The following EVA1A variants were observed in gnomAD, a reference collection of about 807,000 sequenced individuals.
The protein encoded by EVA1A is protein eva-1 homolog A.
Under a neutral mutation model 9.8 loss-of-function variants are expected in EVA1A, and 7 were observed. The ratio of observed to expected loss-of-function variants is 0.71; its 90% CI spans 0.41 to 1.34. The LOEUF is 1.34. Ranked by LOEUF, EVA1A falls within the 40% of genes most tolerant of loss-of-function variation. The probability of loss-of-function intolerance (pLI) is 0.01; values close to 1 mark genes in which losing one functional copy is unlikely to be tolerated. For synonymous variants in EVA1A, 90 were observed against 85.6 expected (o/e 1.05, Z -0.28); for missense variants, 206 against 205.9 (o/e 1.00, Z 0.00).
At chr2:75,517,787 A>G in intron 3 of EVA1A, 1 of 718,538 alleles carries the variant, frequency 1.4e-6, no homozygotes, top group Non-Finnish European at 2.6e-6. Context: ...AGCCAACAGT[A>G]GCCCTGGGCC....
chr2:75,542,201 G>A (rs74718606), intron 1 of EVA1A: 1,856 of 154,522 alleles, frequency 0.012, 35 homozygotes, highest in African/African-American at 0.042. Context: ...CCCCAGCCAC[G>A]TGGAACTGTA....
intron 1 of EVA1A, among the ~76,000 whole-genome samples, chr2:75,548,989 T>A (rs539573702): frequency 4.5e-5 from 4 of 89,838 alleles, no homozygotes; most frequent in African/African-American, 2.2e-4. Flanking sequence ...GAAAAATATA[T>A]ATATATATAT....
At chr2:75,525,074 T>A (rs1477683181) in intron 1 of EVA1A, among the ~76,000 whole-genome samples, 1 of 152,094 alleles carries the variant, frequency 6.6e-6, no homozygotes, top group Admixed American at 6.6e-5. Context: ...ATATATACAT[T>A]CTATACTTAT....
In EVA1A at chr2:75,494,661, C is replaced by T. The variant is rs111464619; in HGVS notation, c.86-1052G>A. Among the ~76,000 whole-genome samples, 514 of 152,300 alleles carry T rather than the reference C, an allele frequency of 3.4e-3. 5 individuals are homozygous for T. The highest frequency in any genetic ancestry group is 0.011 in the African/African-American group (477 of 41,558). ...TGAGGGGACCACAGTCCTGGCCTTG[C>T]AGTGGCCTGTGAGAAACCTTGAACC... On this transcript the variant is annotated intron_variant, in intron 3 of 3. Transcript: ENST00000393913.
intron 1 of EVA1A, among the ~76,000 whole-genome samples, chr2:75,549,555 G>A (rs1034386040): frequency 6.6e-6 from 1 of 152,192 alleles, no homozygotes; most frequent in Non-Finnish European, 1.5e-5. Flanking sequence ...GTGGGGAGGG[G>A]TCCGGCAGGG....
chr2:75,539,254 C>T (rs13009167), intron 1 of EVA1A, among the ~76,000 whole-genome samples: 21,580 of 152,048 alleles, frequency 0.14, 1,605 homozygotes, highest in African/African-American at 0.17. Context: ...CTGAAGAAAA[C>T]TATGAGAGTT....
intron 1 of EVA1A, among the ~76,000 whole-genome samples, chr2:75,534,326 G>A (rs1448591765): frequency 4.6e-5 from 7 of 152,152 alleles, no homozygotes; most frequent in African/African-American, 1.7e-4. Context: ...GCAAAGGGAA[G>A]CAAAGCATGG....
At chr2:75,505,737 C>G in intron 3 of EVA1A, among the ~76,000 whole-genome samples, 1 of 151,906 alleles carries the variant, frequency 6.6e-6, no homozygotes, top group South Asian at 2.1e-4. Context: ...TCACTTGAAC[C>G]TGGAAGGCAG....
At position 75,493,301 on chromosome 2, in the gene EVA1A, T is replaced by C; in HGVS notation, c.394A>G (p.Arg132Gly). The C allele has an allele frequency of 6.2e-7, 1 of 1,614,100 alleles. No individual in the cohort carries two copies. Among genetic ancestry groups the C allele is most frequent in the Non-Finnish European group, 8.5e-7 (1 of 1,179,978 alleles). ...GGCTGGCCATTCATCCAGATCTCCC[T>C]GATGATGCGCTCGCGCTCCTCCAGC... ...QRLEERERII[R>G]EIWMNGQPEV... Residue 132 changes from arginine (R) to glycine (G), a missense_variant, in exon 4 of 4, where the codon AGG (arginine) becomes GGG (glycine). By Grantham distance (125) the Arg-to-Gly change is moderately radical. Transcript: ENST00000393913.
chr2:75,501,779 G>A (rs1380119663), intron 3 of EVA1A, among the ~76,000 whole-genome samples: 1 of 152,154 alleles, frequency 6.6e-6, no homozygotes. Context: ...GAGTAAGTGG[G>A]AATCAGCAGG....
At chr2:75,508,242 G>A (rs1046049198) in intron 3 of EVA1A, among the ~76,000 whole-genome samples, 2 of 152,176 alleles carry the variant, frequency 1.3e-5, no homozygotes, top group African/African-American at 2.4e-5. Flanking sequence ...AATTGTTCAG[G>A]GAATAAGAGA....
At position 75,493,560 on chromosome 2, in the gene EVA1A, C is replaced by T. The variant is rs905454836; in HGVS notation, c.135G>A (p.Gly45=). The T allele has an allele frequency of 1.9e-6, 3 of 1,613,612 alleles. No individual in the cohort carries two copies. The African/African-American group carries it at 4.0e-5, about 22-fold the overall frequency. Residue 45 remains glycine, a synonymous_variant, in exon 4 of 4, where the codon GGG becomes GGA. Coordinates refer to ENST00000393913, the MANE Select transcript of EVA1A (RefSeq NM_001135032.2). Reference sequence around the variant, plus strand: ...CCAGAGCAGCCAGGGTCAGCACCAGCCCGATGCACACGCCAGAAACAAAGT... The same window carrying T: ...CCAGAGCAGCCAGGGTCAGCACCAGTCCGATGCACACGCCAGAAACAAAGT... ...ALYFVSGVCI[G]LVLTLAALVI...
At chr2:75,534,884 T>C (rs1470769973) in intron 1 of EVA1A, among the ~76,000 whole-genome samples, 1 of 152,040 alleles carries the variant, frequency 6.6e-6, no homozygotes, top group Non-Finnish European at 1.5e-5. Context: ...GTTTCAGATA[T>C]TATATTTAAG....
At chr2:75,568,154 C>G (rs1381594010) in intron 1 of EVA1A, among the ~76,000 whole-genome samples, 1 of 152,068 alleles carries the variant, frequency 6.6e-6, no homozygotes, top group African/African-American at 2.4e-5. Flanking sequence ...AAAGCCCCTG[C>G]TTGCCAGGCC....
chr2:75,558,392 G>C (rs1026062546), intron 1 of EVA1A: 3 of 152,198 alleles, frequency 2.0e-5, no homozygotes, highest in African/African-American at 7.2e-5. Context: ...CAAGAAGCCT[G>C]ACGCCAAAGC....
At chr2:75,525,519 G>T (rs1675402011) in intron 1 of EVA1A, among the ~76,000 whole-genome samples, 2 of 152,222 alleles carry the variant, frequency 1.3e-5, no homozygotes, top group Non-Finnish European at 2.9e-5. Flanking sequence ...CCAGCATGGA[G>T]ACTATGAGCT....
At chr2:75,524,018 C>G (rs905213886) in intron 1 of EVA1A, 1 of 152,154 alleles carries the variant, frequency 6.6e-6, no homozygotes, top group African/African-American at 2.4e-5. Flanking sequence ...TGGGTGAGTT[C>G]TCATGAGATC....
At chr2:75,513,442 T>C (rs145358809) in intron 3 of EVA1A, among the ~76,000 whole-genome samples, 98 of 152,360 alleles carry the variant, frequency 6.4e-4, no homozygotes, top group Non-Finnish European at 1.2e-3. Context: ...CGATAACTAC[T>C]ATTCTACTGT....
intron 3 of EVA1A, among the ~76,000 whole-genome samples, chr2:75,499,900 G>C (rs1674348260): frequency 6.6e-6 from 1 of 152,168 alleles, no homozygotes; most frequent in Admixed American, 6.5e-5. Flanking sequence ...GTGCCTAAGA[G>C]GTGAACAGGC....
Sources: gnomAD v4.1 joint callset for allele counts (sites outside exome capture counted in the v4.1 genomes callset) on GRCh38, gnomAD v4.1.1 for gene constraint, MANE v1.5 for transcripts, NCBI Gene and HGNC (gene_info 2026-07-23, HGNC 2026-07-21) for gene names.